VEGFD: variants seen among roughly 807,000 people sequenced by gnomAD.
VEGFD encodes the protein c-fos induced growth factor (vascular endothelial growth factor D).
VEGFD carries 26 observed loss-of-function variants against 28.0 expected under a neutral mutation model. The ratio of observed to expected loss-of-function variants is 0.93; its 90% CI spans 0.68 to 1.29. The LOEUF (loss-of-function observed/expected upper bound fraction) is 1.29. Among genes scored for constraint, VEGFD ranks in the 50% most tolerant of loss-of-function variants. VEGFD has a pLI of 0.00. For synonymous variants in VEGFD, 93 were observed against 95.5 expected (o/e 0.97, Z 0.15); for missense variants, 294 against 273.4 (o/e 1.08, Z -0.53).
At chrX:15,366,513 A>G (rs971311842) in intron 1 of VEGFD, among the ~76,000 whole-genome samples, 7 of 111,729 alleles carry the variant, frequency 6.3e-5, no homozygotes, top group Non-Finnish European at 1.1e-4. Flanking sequence ...ATTTTCATTC[A>G]GAGATTCATT....
chrX:15,369,955 A>G (rs976434339), intron 1 of VEGFD, among the ~76,000 whole-genome samples: 1 of 112,148 alleles, frequency 8.9e-6, no homozygotes, highest in Admixed American at 9.4e-5. Flanking sequence ...CATTTTATCA[A>G]CTTGCTCTTT....
chrX:15,363,151 T>C lies in VEGFD; in HGVS notation c.259A>G (p.Thr87Ala), dbSNP rs777338045. Reference protein sequence around the residue: ...MDSRSASHRSTRFAATFYDIE... With the variant: ...MDSRSASHRSARFAATFYDIE... ...TCATAGAAAGTTGCCGCAAACCTAGTGGACCGATGGGATGCTGAGCGAGAG... is the reference window on the plus strand; with the variant it reads ...TCATAGAAAGTTGCCGCAAACCTAGCGGACCGATGGGATGCTGAGCGAGAG... Residue 87 changes from threonine (T) to alanine (A), a missense_variant, in exon 2 of 7, where the codon ACT becomes GCT. Coordinates refer to ENST00000297904, the MANE Select transcript of VEGFD (RefSeq NM_004469.5). The C allele has an allele frequency of 8.3e-7, 1 of 1,211,464 alleles. No individual in the cohort carries two copies. Among genetic ancestry groups the C allele is most frequent in the East Asian group, 3.0e-5 (1 of 33,823 alleles).
rs575095647 is a variant in VEGFD at position 15,356,169 on chromosome X, C to T, written c.493-871G>A. Reference sequence around the variant, plus strand: ...ACATTATGGGGTGGGTTTTTATTATCCCCATCTTACAGGTGAAGAAACAGA... The same window carrying T: ...ACATTATGGGGTGGGTTTTTATTATTCCCATCTTACAGGTGAAGAAACAGA... On this transcript the variant is annotated intron_variant, in intron 3 of 6. Coordinates refer to ENST00000297904, the MANE Select transcript of VEGFD (RefSeq NM_004469.5). Among the ~76,000 whole-genome samples the T allele has an allele frequency of 4.5e-5, 5 of 111,908 alleles. No individual in the cohort carries two copies. The South Asian group carries it at 1.9e-3, about 42-fold the overall frequency.
intron 5 of VEGFD, among the ~76,000 whole-genome samples, chrX:15,349,591 A>C (rs894002518): frequency 1.8e-5 from 2 of 112,227 alleles, no homozygotes; most frequent in Admixed American, 9.4e-5. Flanking sequence ...GAAGGGATAT[A>C]TTAAGTATTT....
chrX:15,368,061 G>GGAAA (rs376031506), intron 1 of VEGFD, among the ~76,000 whole-genome samples: 1,362 of 73,689 alleles, frequency 0.018, 28 homozygotes, highest in African/African-American at 0.06. Flanking sequence ...AAGAAAGAAA[G>GGAAA]GAAAGAAAGA....
chrX:15,363,344 TA>T, intron 1 of VEGFD, 25 bp from the exon 2 acceptor site: 1 of 1,128,450 alleles, frequency 8.9e-7, no homozygotes, highest in Non-Finnish European at 1.2e-6. Flanking sequence ...AATACCAGTT[TA>T]AAAACAAGTT....
intron 1 of VEGFD, among the ~76,000 whole-genome samples, chrX:15,367,989 A>AGAAAGAAAG (rs1923193825): frequency 1.3e-5 from 1 of 78,038 alleles, no homozygotes; most frequent in Non-Finnish European, 2.6e-5. Context: ...AAAAAGAAAA[A>AGAAAGAAAG]GAAAGAAAGA....
intron 1 of VEGFD, among the ~76,000 whole-genome samples, chrX:15,367,449 A>G (rs185234508): frequency 3.2e-4 from 36 of 112,007 alleles, no homozygotes; most frequent in African/African-American, 1.1e-3. Context: ...CTTCTCCATT[A>G]AGTCTTATTT....
At position 15,347,232 on chromosome X, in the gene VEGFD, G is replaced by C. The variant is rs1429322184; in HGVS notation, c.870C>G (p.Cys290Trp). 8.3e-7 allele frequency: 1 copy of C among 1,211,729 alleles called. No individual in the cohort carries two copies. The highest frequency in any genetic ancestry group is 3.0e-5 in the East Asian group (1 of 33,829). ...TCTCCAGACTTTCTTTGCACTCAAA[G>C]CAACTGCAGTTTTTGGGGTGCTGGA... is the stretch of plus-strand genomic sequence containing the variant. ...DLIQHPKNCS[C>W]FECKESLETC... The change falls in exon 6 of 7, where the codon TGC becomes TGG. Residue 290 changes from cysteine (C) to tryptophan (W), a missense_variant. Physicochemically the swap from Cys to Trp is radical, Grantham distance 215. Transcript: ENST00000297904.
intron 1 of VEGFD, among the ~76,000 whole-genome samples, chrX:15,378,215 G>T (rs1923483576): frequency 8.9e-6 from 1 of 111,978 alleles, no homozygotes; most frequent in African/African-American, 3.2e-5. Flanking sequence ...GCTCCTAAAA[G>T]GGAACGCCTT....
rs1434631299 is a variant in VEGFD, at chrX:15,347,292, C to T, written c.810G>A (p.Glu270=). 3 of 1,209,682 alleles carry T rather than the reference C, an allele frequency of 2.5e-6. No individual in the cohort carries two copies. The highest frequency in any genetic ancestry group is 3.4e-6 in the Non-Finnish European group (3 of 895,009). The change falls in exon 6 of 7, where the codon GAG becomes GAA. Residue 270 remains glutamate, a synonymous_variant. Coordinates refer to ENST00000297904, the MANE Select transcript of VEGFD (RefSeq NM_004469.5). ...TGGGACATGGTGTTTTACAGACACACTCGCAACGATCTTCGTCAAACATCA... is the reference window on the plus strand; with the variant it reads ...TGGGACATGGTGTTTTACAGACACATTCGCAACGATCTTCGTCAAACATCA... ...PHMMFDEDRC[E]CVCKTPCPKD... is the part of the protein sequence containing the mutation.
chrX:15,350,911 G>A (rs764624583), intron 5 of VEGFD, among the ~76,000 whole-genome samples: 1 of 101,148 alleles, frequency 9.9e-6, no homozygotes, highest in African/African-American at 3.7e-5. Flanking sequence ...ATCCAGGCCC[G>A]AGTGCGGTGG....
At chrX:15,352,401 C>T (rs1232503545) in intron 5 of VEGFD, among the ~76,000 whole-genome samples, 1 of 109,589 alleles carries the variant, frequency 9.1e-6, no homozygotes, top group Non-Finnish European at 1.9e-5. Flanking sequence ...ATGTTCATCA[C>T]CCAAAGTCAC....
intron 4 of VEGFD, among the ~76,000 whole-genome samples, chrX:15,353,409 C>T (rs1922780100): frequency 1.8e-5 from 2 of 112,413 alleles, no homozygotes; most frequent in African/African-American, 6.5e-5. Flanking sequence ...CAAATGTTCT[C>T]ACCACAAAAT....
intron 1 of VEGFD, among the ~76,000 whole-genome samples, chrX:15,381,950 A>C (rs548234687): frequency 3.1e-5 from 1 of 32,225 alleles, no homozygotes; most frequent in Non-Finnish European, 4.9e-5. Flanking sequence ...TTTCTGTCAC[A>C]TGCAAATTCA....
intron 1 of VEGFD, 56 bp from the exon 2 acceptor site, chrX:15,363,375 A>AGAAATGAAGAT: frequency 1.0e-6 from 1 of 982,172 alleles, no homozygotes; most frequent in Non-Finnish European, 1.4e-6. Flanking sequence ...TAAATTTGTC[A>AGAAATGAAGAT]TAATAATCTT....
intron 1 of VEGFD, among the ~76,000 whole-genome samples, chrX:15,374,415 C>T (rs925208311): frequency 8.9e-6 from 1 of 112,251 alleles, no homozygotes; most frequent in Non-Finnish European, 1.9e-5. Flanking sequence ...GGTAGAATCT[C>T]AAAGGCAGTA....
chrX:15,360,976 C>T (rs1043732450), intron 2 of VEGFD, among the ~76,000 whole-genome samples: 2 of 112,401 alleles, frequency 1.8e-5, no homozygotes, highest in Non-Finnish European at 3.8e-5. Flanking sequence ...TGCTTCCCAG[C>T]AGGACTGCTC....
chrX:15,350,500 C>T (rs1922662300), intron 5 of VEGFD, among the ~76,000 whole-genome samples: 2 of 112,681 alleles, frequency 1.8e-5, no homozygotes, highest in South Asian at 7.2e-4. Flanking sequence ...GACTTACCCC[C>T]GCAGGGGTTC....
Sources: allele counts gnomAD v4.1 joint callset (sites outside exome capture counted in the v4.1 genomes callset), GRCh38; gene constraint gnomAD v4.1.1; transcripts MANE v1.5; gene names NCBI Gene and HGNC (gene_info 2026-07-23, HGNC 2026-07-21).